Variants in PDIA5 observed in about 807,000 individuals in gnomAD.
PDIA5 encodes protein disulfide-isomerase A5.
In PDIA5, 58 loss-of-function variants were observed where a neutral mutation model predicts 77.6. The ratio of observed to expected loss-of-function variants is 0.75; its 90% CI spans 0.61 to 0.93. PDIA5 has a LOEUF of 0.93. PDIA5 is among the 40% of genes least tolerant of loss of function. The probability of loss-of-function intolerance (pLI) is 0.00; values close to 1 mark genes in which losing one functional copy is unlikely to be tolerated. For synonymous variants in PDIA5, 250 were observed against 252.1 expected (o/e 0.99, Z 0.08); for missense variants, 630 against 647.7 (o/e 0.97, Z 0.30).
chr3:123,103,163 G>T lies in PDIA5; in HGVS notation c.387+367G>T, dbSNP rs551712167. Among the ~76,000 whole-genome samples, 6 of 152,272 alleles carry T rather than the reference G, an allele frequency of 3.9e-5. No individual in the cohort carries two copies. In the East Asian group the frequency reaches 7.7e-4, roughly 20 times the overall value. On this transcript the variant is annotated intron_variant, in intron 5 of 16. Coordinates refer to ENST00000316218, the MANE Select transcript of PDIA5 (RefSeq NM_006810.4). The stretch of plus-strand genomic sequence containing the variant: ...GGCTGGATGCCCAGGTTAGCACAGG[G>T]TATTGCACATGGGCAGGTTGACACC...
chr3:123,157,725 G>A (rs1319130525), intron 15 of PDIA5, among the ~76,000 whole-genome samples: 2 of 152,204 alleles, frequency 1.3e-5, no homozygotes, highest in Non-Finnish European at 2.9e-5. Context: ...TCATATTTTA[G>A]CAGGGGAGCC....
At chr3:123,115,937 A>T (rs561324628) in intron 7 of PDIA5, among the ~76,000 whole-genome samples, 1 of 152,322 alleles carries the variant, frequency 6.6e-6, no homozygotes, top group African/African-American at 2.4e-5. Context: ...TCAGTGCTGA[A>T]GTATTCTGGG....
intron 3 of PDIA5, 64 bp downstream of exon 3, chr3:123,092,506 G>T: frequency 8.8e-7 from 1 of 1,136,064 alleles, no homozygotes; most frequent in Non-Finnish European, 1.3e-6. Flanking sequence ...GCTTTGATTG[G>T]TGGGGACAGG....
intron 3 of PDIA5, among the ~76,000 whole-genome samples, chr3:123,098,213 A>G (rs1934490986): frequency 6.6e-6 from 1 of 152,184 alleles, no homozygotes; most frequent in Non-Finnish European, 1.5e-5. Flanking sequence ...TTTGCAGCTC[A>G]GGAAACTAAG....
At chr3:123,081,146 A>C (rs900365928) in intron 1 of PDIA5, among the ~76,000 whole-genome samples, 1 of 152,210 alleles carries the variant, frequency 6.6e-6, no homozygotes, top group Non-Finnish European at 1.5e-5. Flanking sequence ...CCACATGCCC[A>C]GGGAAACTCA....
chr3:123,161,653 G>A, intron 16 of PDIA5, 198 bp downstream of exon 16: 1 of 665,476 alleles, frequency 1.5e-6, no homozygotes, highest in Non-Finnish European at 2.5e-6. Context: ...TGCCACAGAT[G>A]TCCTGTCCCC....
intron 1 of PDIA5, among the ~76,000 whole-genome samples, chr3:123,070,102 A>AAAGAAGAAG (rs1364578892): frequency 1.3e-5 from 2 of 151,772 alleles, no homozygotes; most frequent in African/African-American, 4.8e-5. Context: ...AAAAAAAAAA[A>AAAGAAGAAG]AAGAAGAAGA....
intron 1 of PDIA5, 157 bp downstream of exon 1, chr3:123,067,363 C>CG (rs1933595697): frequency 1.6e-6 from 1 of 629,452 alleles, no homozygotes; most frequent in Non-Finnish European, 2.3e-6. Flanking sequence ...CTGGGTGCTA[C>CG]GCGGGAGACA....
At chr3:123,111,083 G>T in intron 7 of PDIA5, 79 bp downstream of exon 7, 3 of 951,796 alleles carry the variant, frequency 3.2e-6, no homozygotes, top group Non-Finnish European at 3.4e-6. Context: ...GGTTGCGGGC[G>T]GGGTCTGGGG....
chr3:123,088,302 T>C (rs1281851715), intron 1 of PDIA5, among the ~76,000 whole-genome samples: 1 of 152,160 alleles, frequency 6.6e-6, no homozygotes, highest in Non-Finnish European at 1.5e-5. Flanking sequence ...AGGTGCCTGA[T>C]ACCTCCAGTT....
At chr3:123,145,499 T>A in intron 11 of PDIA5, 23 bp from the exon 12 acceptor site, 4 of 1,607,636 alleles carry the variant, frequency 2.5e-6, no homozygotes, top group Non-Finnish European at 3.4e-6. Context: ...ATAAGAATGG[T>A]TTCTCTTGAT....
At chr3:123,118,442 A>T (rs1299189786) in intron 8 of PDIA5, among the ~76,000 whole-genome samples, 1 of 152,062 alleles carries the variant, frequency 6.6e-6, no homozygotes, top group East Asian at 1.9e-4. Context: ...CTCAGCCCCA[A>T]ATCAGATCAC....
chr3:123,071,282 A>G lies in PDIA5; in HGVS notation c.42+4076A>G, dbSNP rs1430388544. ...TTAGTGAAGGCAGAGCTGGGAGAAG[A>G]GCCAGATCTGCTGAATGTAAATCGG... On this transcript the variant is annotated intron_variant, in intron 1 of 16. Coordinates refer to ENST00000316218, the MANE Select transcript of PDIA5 (RefSeq NM_006810.4). Among the ~76,000 whole-genome samples the G allele has an allele frequency of 2.0e-5, 3 of 152,264 alleles. No individual in the cohort carries two copies. The East Asian group carries it at 5.8e-4, about 29-fold the overall frequency.
Position 123,096,957 on chromosome 3 carries a change from G to A in PDIA5, c.257+4515G>A, listed in dbSNP as rs3804741. Among the ~76,000 whole-genome samples, 17 of 152,276 alleles carry A rather than the reference G, an allele frequency of 1.1e-4. No individual in the cohort carries two copies. The East Asian group carries it at 3.1e-3, about 28-fold the overall frequency. ...ATTCCCGAGGCTGCGTCTCACAGGG[G>A]GCAAGGCTGTCCTATCAGGTGCTTG... On this transcript the variant is annotated intron_variant, in intron 3 of 16. Coordinates refer to ENST00000316218, the MANE Select transcript of PDIA5 (RefSeq NM_006810.4).
At chr3:123,136,481 C>T (rs960452196) in intron 11 of PDIA5, among the ~76,000 whole-genome samples, 3 of 152,068 alleles carry the variant, frequency 2.0e-5, no homozygotes, top group Non-Finnish European at 2.9e-5. Context: ...TGGCTCACGC[C>T]TGTAATCCCA....
At position 123,067,072 on chromosome 3, in the gene PDIA5, C is replaced by A; in HGVS notation, c.-93C>A. On this transcript the variant is annotated 5_prime_UTR_variant, in exon 1 of 17. Transcript: ENST00000316218. Reference sequence around the variant, plus strand: ...AGGCGGGGAGCGGCTGGGAAGTGGCCGTGGTGGTTGGCCGCGGTGGAGCTA... The same window carrying A: ...AGGCGGGGAGCGGCTGGGAAGTGGCAGTGGTGGTTGGCCGCGGTGGAGCTA... 1 of 1,051,870 alleles carries A rather than the reference C, an allele frequency of 9.5e-7. No individual in the cohort carries two copies. Among genetic ancestry groups the A allele is most frequent in the South Asian group, 4.6e-5 (1 of 21,600 alleles). The allele number at this position is 1,051,870 out of a possible 1,614,324, so 65.2% of individuals were successfully genotyped here.
rs3840217 is a variant in PDIA5, at chr3:123,142,714, T to TG, written c.911-2801dup. ...TCTTGCCCAGCCCAGGGGCAGCCTC[T>TG]GGGGGGGCCGAGCTCAGCAGTCCCA... On this transcript the variant is annotated intron_variant, in intron 11 of 16. Coordinates refer to ENST00000316218, the MANE Select transcript of PDIA5 (RefSeq NM_006810.4). Among the ~76,000 whole-genome samples the TG allele has an allele frequency of 1.7e-4, 26 of 152,256 alleles. No homozygotes were observed. In the East Asian group the frequency reaches 3.5e-3, roughly 20 times the overall value.
chr3:123,109,479 A>G (rs1934814332), intron 6 of PDIA5, among the ~76,000 whole-genome samples: 1 of 152,178 alleles, frequency 6.6e-6, no homozygotes, highest in East Asian at 1.9e-4. Flanking sequence ...CTTGGTTACT[A>G]ATTTTGTTTG....
chr3:123,146,958 T>C (rs752180341), intron 13 of PDIA5, among the ~76,000 whole-genome samples: 1 of 152,082 alleles, frequency 6.6e-6, no homozygotes, highest in Non-Finnish European at 1.5e-5. Flanking sequence ...TACAGGCACA[T>C]GCCACCATGC....
Sources: allele counts gnomAD v4.1 joint callset (sites outside exome capture counted in the v4.1 genomes callset), GRCh38; gene constraint gnomAD v4.1.1; transcripts MANE v1.5; gene names NCBI Gene and HGNC (gene_info 2026-07-23, HGNC 2026-07-21).